TMED8: variants seen among roughly 807,000 people sequenced by gnomAD.
TMED8 encodes protein TMED8.
A neutral mutation model predicts 32.7 loss-of-function variants in TMED8; 15 were observed. That is an observed-to-expected ratio of 0.46 (90% CI 0.31 to 0.71). The LOEUF (loss-of-function observed/expected upper bound fraction) is 0.71, where lower values mean the gene tolerates loss of function less well. TMED8 is among the 30% of genes least tolerant of loss of function. The pLI, the probability that TMED8 is intolerant of heterozygous loss-of-function variation, is 0.06. For missense variants in TMED8, 390 were observed against 423.9 expected (o/e 0.92, Z 0.70); for synonymous variants, 147 against 161.4 (o/e 0.91, Z 0.68).
chr14:77,363,617 G>A (rs1893487036), intron 1 of TMED8, among the ~76,000 whole-genome samples: 1 of 152,072 alleles, frequency 6.6e-6, no homozygotes, highest in African/African-American at 2.4e-5. Context: ...TCATGCCACT[G>A]CACTCCAGCC....
At chr14:77,350,452 T>C (rs1301681445) in intron 2 of TMED8, among the ~76,000 whole-genome samples, 1 of 152,198 alleles carries the variant, frequency 6.6e-6, no homozygotes, top group Non-Finnish European at 1.5e-5. Flanking sequence ...AAAATATTTG[T>C]TGAATAAAAA....
chr14:77,344,489 C>A (rs1003527333), intron 3 of TMED8, among the ~76,000 whole-genome samples: 1 of 152,244 alleles, frequency 6.6e-6, no homozygotes. Flanking sequence ...AGACGTCTGA[C>A]TTACATGGAA....
chr14:77,366,185 G>A (rs1025145229), intron 1 of TMED8, among the ~76,000 whole-genome samples: 1 of 152,152 alleles, frequency 6.6e-6, no homozygotes, highest in East Asian at 1.9e-4. Context: ...AAGTATATTT[G>A]CAAGTTATTT....
intron 1 of TMED8, among the ~76,000 whole-genome samples, chr14:77,360,808 T>C (rs908220817): frequency 5.9e-5 from 9 of 152,158 alleles, no homozygotes; most frequent in Admixed American, 6.5e-5. Flanking sequence ...CCAACAGTTG[T>C]TATCTCTTAC....
At chr14:77,366,335 G>A (rs912445437) in intron 1 of TMED8, among the ~76,000 whole-genome samples, 1 of 152,190 alleles carries the variant, frequency 6.6e-6, no homozygotes, top group Non-Finnish European at 1.5e-5. Flanking sequence ...CGCAGTACCA[G>A]GAAGTCAGGG....
Position 77,336,383 on chromosome 14 carries a change from A to C in TMED8, c.*5388T>G, listed in dbSNP as rs1370919854. 6.6e-6 allele frequency: 1 copy of C among 152,220 alleles called. No individual in the cohort carries two copies. Among genetic ancestry groups the C allele is most frequent in the Non-Finnish European group, 1.5e-5 (1 of 68,026 alleles). The allele number at this position is 152,220 out of a possible 1,614,324, so 9.4% of individuals were successfully genotyped here. Reference sequence around the variant, plus strand: ...TAATAGGAATCACATCATGAGCCTAATTTCAAAGCCAGTGTCTTGCCTTTG... The same window carrying C: ...TAATAGGAATCACATCATGAGCCTACTTTCAAAGCCAGTGTCTTGCCTTTG... On this transcript the variant is annotated 3_prime_UTR_variant, in exon 6 of 6. Transcript: ENST00000216468.
intron 2 of TMED8, among the ~76,000 whole-genome samples, chr14:77,349,602 A>G (rs2139611707): frequency 6.6e-6 from 1 of 152,236 alleles, no homozygotes; most frequent in Non-Finnish European, 1.5e-5. Context: ...ACTCTTCTTT[A>G]GTTAACTGAA....
chr14:77,372,164 T>C (rs966870181), intron 1 of TMED8, among the ~76,000 whole-genome samples: 6 of 152,218 alleles, frequency 3.9e-5, no homozygotes, highest in Non-Finnish European at 5.9e-5. Flanking sequence ...TAATTTATCA[T>C]TGATGGCCAC....
chr14:77,349,106 C>CTTTTTTTTTTTT (rs33964835), intron 2 of TMED8, among the ~76,000 whole-genome samples: 2 of 91,974 alleles, frequency 2.2e-5, no homozygotes, highest in African/African-American at 4.6e-5. Context: ...CTCTAAGGCC[C>CTTTTTTTTTTTT]TTTTTTTTTT....
intron 1 of TMED8, among the ~76,000 whole-genome samples, chr14:77,366,557 A>G (rs1026701993): frequency 6.6e-6 from 1 of 152,204 alleles, no homozygotes; most frequent in Non-Finnish European, 1.5e-5. Flanking sequence ...ATTAACTTAT[A>G]TGGCTTGTAA....
At chr14:77,369,582 C>A (rs1269462744) in intron 1 of TMED8, among the ~76,000 whole-genome samples, 2 of 152,208 alleles carry the variant, frequency 1.3e-5, no homozygotes, top group African/African-American at 4.8e-5. Flanking sequence ...GACCTTGTCA[C>A]TCAGCTTCCC....
intron 1 of TMED8, among the ~76,000 whole-genome samples, chr14:77,372,767 C>T (rs1219575113): frequency 6.7e-6 from 1 of 150,238 alleles, no homozygotes; most frequent in East Asian, 1.9e-4. Context: ...AAAATGTTAA[C>T]ATTTTGACAT....
chr14:77,361,054 G>C lies in TMED8; in HGVS notation c.119-9303C>G, dbSNP rs573713738. Among the ~76,000 whole-genome samples the C allele has an allele frequency of 5.0e-5, 7 of 140,254 alleles. No individual in the cohort carries two copies. The East Asian group carries it at 1.5e-3, about 30-fold the overall frequency. 92.0% of individuals were successfully genotyped at this position (140,254 alleles called of 152,430 possible). ...TGCAGTGACACAATCTCGGCTCACTGCAACAACCTCTGTCTCCCAGGTTCA... is the reference window on the plus strand; with the variant it reads ...TGCAGTGACACAATCTCGGCTCACTCCAACAACCTCTGTCTCCCAGGTTCA... On this transcript the variant is annotated intron_variant, in intron 1 of 5. Coordinates refer to ENST00000216468, the MANE Select transcript of TMED8 (RefSeq NM_213601.3).
chr14:77,352,860 A>G (rs1385989729), intron 1 of TMED8, among the ~76,000 whole-genome samples: 2 of 152,234 alleles, frequency 1.3e-5, no homozygotes, highest in Admixed American at 1.3e-4. Flanking sequence ...TCAAAGTATA[A>G]AGTGTCACTT....
chr14:77,336,847 TAACA>T lies in TMED8; in HGVS notation c.*4920_*4923del, dbSNP rs1013409374. ...GCAACCTTCTGCAGATAAGTGGTCT[TAACA>T]AACAAATATAAAAGCAGACTTTAGA... is the stretch of plus-strand genomic sequence containing the variant. On this transcript the variant is annotated 3_prime_UTR_variant, in exon 6 of 6. Transcript: ENST00000216468. 2.6e-5 allele frequency: 4 copies of T among 152,146 alleles called. No individual in the cohort carries two copies. The highest frequency in any genetic ancestry group is 7.2e-5 in the African/African-American group (3 of 41,430). The allele number at this position is 152,146 out of a possible 1,614,324, so 9.4% of individuals were successfully genotyped here. A position where few individuals can be genotyped will look rare whatever the true frequency, so the allele number is the denominator to read the frequency against.
Position 77,350,192 on chromosome 14 carries a change from T to C in TMED8, c.197+1481A>G, listed in dbSNP as rs1007958012. ...TCCCAGTTGCATATGGGGGGTCTAT[T>C]AGATGATCCATCTTAAGCATTTCTT... On this transcript the variant is annotated intron_variant, in intron 2 of 5. Coordinates refer to ENST00000216468, the MANE Select transcript of TMED8 (RefSeq NM_213601.3). Among the ~76,000 whole-genome samples the C allele has an allele frequency of 3.3e-5, 5 of 152,304 alleles. No homozygotes were observed. In the East Asian group the frequency reaches 5.8e-4, roughly 18 times the overall value.
chr14:77,347,304 C>T (rs1893071055), intron 2 of TMED8, among the ~76,000 whole-genome samples: 1 of 152,226 alleles, frequency 6.6e-6, no homozygotes, highest in African/African-American at 2.4e-5. Flanking sequence ...ATCAAGGCAA[C>T]CCTCTCTGCA....
In TMED8 at chr14:77,351,729, C is replaced by T; in HGVS notation, c.141G>A (p.Lys47=). The T allele has an allele frequency of 1.2e-6, 2 of 1,613,036 alleles. No homozygotes were observed. Among genetic ancestry groups the T allele is most frequent in the Middle Eastern group, 1.7e-4 (1 of 6,058 alleles). The part of the protein sequence containing the change: ...AASENEDLEN[K]DTSLLASATD... ...TGGCAGAAGCCAATAAAGAGGTATCCTTGTTTTCTAGATCTTCATTCTCTA... is the reference window on the plus strand; with the variant it reads ...TGGCAGAAGCCAATAAAGAGGTATCTTTGTTTTCTAGATCTTCATTCTCTA... The change falls in exon 2 of 6, where the codon AAG becomes AAA. Residue 47 remains lysine, a synonymous_variant. Coordinates refer to ENST00000216468, the MANE Select transcript of TMED8 (RefSeq NM_213601.3).
In TMED8 at chr14:77,337,561, T is replaced by G. The variant is rs1022407216; in HGVS notation, c.*4210A>C. 6.6e-6 allele frequency: 1 copy of G among 152,280 alleles called. No individual in the cohort carries two copies. Among genetic ancestry groups the G allele is most frequent in the East Asian group, 1.9e-4 (1 of 5,168 alleles). The allele number at this position is 152,280 out of a possible 1,614,324, so 9.4% of individuals were successfully genotyped here. On this transcript the variant is annotated 3_prime_UTR_variant, in exon 6 of 6. Transcript: ENST00000216468. ...CCCGCCACCACGCCCAGCTAATTTT[T>G]TGTATTTTTAGTAGCGACGGAGTTT...
Sources: gnomAD v4.1 joint callset for allele counts (sites outside exome capture counted in the v4.1 genomes callset) on GRCh38, gnomAD v4.1.1 for gene constraint, MANE v1.5 for transcripts, NCBI Gene and HGNC (gene_info 2026-07-23, HGNC 2026-07-21) for gene names.